Variants in ATXN1 observed in about 807,000 individuals in gnomAD.
ATXN1 encodes ataxin 1, also known as ataxin-1.
ATXN1 carries 8 observed loss-of-function variants against 56.4 expected under a neutral mutation model. That is an observed-to-expected ratio of 0.14 (90% CI 0.08 to 0.26). The LOEUF (loss-of-function observed/expected upper bound fraction) is 0.26. Among genes scored for constraint, ATXN1 ranks in the 10% least tolerant of loss-of-function variants. The pLI, the probability that ATXN1 is intolerant of heterozygous loss-of-function variation, is 1.00. For missense variants in ATXN1, 987 were observed against 1,106.5 expected (o/e 0.89, Z 1.53); for synonymous variants, 514 against 494.6 (o/e 1.04, Z -0.52).
At chr6:16,397,557 T>C (rs980499703) in intron 6 of ATXN1, among the ~76,000 whole-genome samples, 6 of 152,206 alleles carry the variant, frequency 3.9e-5, no homozygotes, top group Non-Finnish European at 8.8e-5. Context: ...CAGTAGTAGC[T>C]AAACTTTTAT....
chr6:16,716,318 A>C (rs1759640582), intron 2 of ATXN1, among the ~76,000 whole-genome samples: 1 of 152,230 alleles, frequency 6.6e-6, no homozygotes. Flanking sequence ...TGCCTGGGGA[A>C]GTCAGTTTGG....
chr6:16,745,541 T>A (rs1760502849), intron 2 of ATXN1, among the ~76,000 whole-genome samples: 1 of 152,242 alleles, frequency 6.6e-6, no homozygotes, highest in South Asian at 2.1e-4. Context: ...ATTTATGGAC[T>A]GGAATGGTGG....
At chr6:16,741,493 G>T (rs753841222) in intron 2 of ATXN1, among the ~76,000 whole-genome samples, 1 of 152,186 alleles carries the variant, frequency 6.6e-6, no homozygotes, top group Non-Finnish European at 1.5e-5. Flanking sequence ...TTTAAAGGAA[G>T]TCTCATTTCT....
At chr6:16,627,101 G>A (rs1393935429) in intron 3 of ATXN1, among the ~76,000 whole-genome samples, 1 of 152,198 alleles carries the variant, frequency 6.6e-6, no homozygotes, top group African/African-American at 2.4e-5. Flanking sequence ...AAGACAATGT[G>A]AACTGGCAGC....
intron 3 of ATXN1, among the ~76,000 whole-genome samples, chr6:16,641,217 T>A (rs1457053780): frequency 6.6e-6 from 1 of 152,148 alleles, no homozygotes; most frequent in South Asian, 2.1e-4. Context: ...TCCAGAAAAT[T>A]TAACTAAGAT....
At chr6:16,683,048 G>A (rs543351855) in intron 2 of ATXN1, among the ~76,000 whole-genome samples, 1 of 152,212 alleles carries the variant, frequency 6.6e-6, no homozygotes, top group South Asian at 2.1e-4. Flanking sequence ...ACCAACCAGG[G>A]AGTTGATGAG....
chr6:16,688,023 C>T (rs1758956418), intron 2 of ATXN1, among the ~76,000 whole-genome samples: 1 of 152,156 alleles, frequency 6.6e-6, no homozygotes, highest in African/African-American at 2.4e-5. Context: ...GGAGGGCCCT[C>T]CTGTGGGTTA....
intron 4 of ATXN1, among the ~76,000 whole-genome samples, chr6:16,543,632 T>TAAA (rs566914364): frequency 0.1 from 10,617 of 106,124 alleles, 1,031 homozygotes; most frequent in East Asian, 0.51. Context: ...GCTATTTTCC[T>TAAA]AAAAAAAAAA....
At chr6:16,639,147 G>A (rs1763656506) in intron 3 of ATXN1, among the ~76,000 whole-genome samples, 2 of 152,208 alleles carry the variant, frequency 1.3e-5, no homozygotes, top group Non-Finnish European at 2.9e-5. Context: ...GACATGGGCA[G>A]GGACAAATAA....
rs191700868 is a variant in ATXN1 at position 16,347,171 on chromosome 6, C to T, written c.-160-18701G>A. Among the ~76,000 whole-genome samples the T allele has an allele frequency of 1.1e-3, 174 of 152,338 alleles. 1 individual carries two copies. Among genetic ancestry groups the T allele is most frequent in the African/African-American group, 4.1e-3 (169 of 41,586 alleles). ...GCCAGAGCCTCCCCGACGAGCGCCG[C>T]CCCCTGCTCCACAGCGCCCAGTCCC... On this transcript the variant is annotated intron_variant, in intron 6 of 7. Transcript: ENST00000436367.
intron 4 of ATXN1, among the ~76,000 whole-genome samples, chr6:16,565,918 C>T (rs924048143): frequency 1.5e-4 from 23 of 152,034 alleles, no homozygotes; most frequent in African/African-American, 5.6e-4. Flanking sequence ...GTAAAATAGC[C>T]CACTGGGTCC....
intron 6 of ATXN1, among the ~76,000 whole-genome samples, chr6:16,429,776 T>A (rs551186666): frequency 6.6e-6 from 1 of 152,144 alleles, no homozygotes; most frequent in East Asian, 1.9e-4. Flanking sequence ...GCCCATTCGA[T>A]CCACATAAAA....
intron 2 of ATXN1, among the ~76,000 whole-genome samples, chr6:16,705,578 A>G (rs1759390057): frequency 6.6e-6 from 1 of 152,006 alleles, no homozygotes; most frequent in Non-Finnish European, 1.5e-5. Flanking sequence ...TTCACTTCCA[A>G]TATCTAATTG....
intron 3 of ATXN1, among the ~76,000 whole-genome samples, chr6:16,620,504 CAGAG>C (rs979068986): frequency 6.6e-6 from 1 of 151,692 alleles, no homozygotes; most frequent in Non-Finnish European, 1.5e-5. Flanking sequence ...CACACACAGA[CAGAG>C]AGAGAGAGAT....
intron 2 of ATXN1, among the ~76,000 whole-genome samples, chr6:16,661,279 T>A (rs1208115677): frequency 6.6e-6 from 1 of 152,062 alleles, no homozygotes; most frequent in Non-Finnish European, 1.5e-5. Flanking sequence ...CAAATATACA[T>A]ATATAGCATT....
intron 2 of ATXN1, among the ~76,000 whole-genome samples, chr6:16,747,573 T>A (rs1399370772): frequency 1.3e-5 from 2 of 151,826 alleles, no homozygotes; most frequent in African/African-American, 4.8e-5. Context: ...AGGCTGAAGC[T>A]GCCAGGCTAG....
chr6:16,650,890 T>C (rs1763880939), intron 3 of ATXN1, among the ~76,000 whole-genome samples: 1 of 152,196 alleles, frequency 6.6e-6, no homozygotes, highest in South Asian at 2.1e-4. Context: ...CCTGAATCTA[T>C]TCTAGTTCGG....
chr6:16,387,683 C>T (rs981292699), intron 6 of ATXN1, among the ~76,000 whole-genome samples: 4 of 152,190 alleles, frequency 2.6e-5, no homozygotes, highest in Admixed American at 2.0e-4. Context: ...TTATGAAACA[C>T]TGCAACTTTA....
Position 16,760,463 on chromosome 6 carries a change from C to CGGCGGT in ATXN1, c.-730+829_-730+834dup, listed in dbSNP as rs887262698. The stretch of plus-strand genomic sequence containing the variant: ...TCAGGAAGCGGCCGCACCAACAGGG[C>CGGCGGT]GGCGGTGGCGGCGGCGGCCAGGGCC... On this transcript the variant is annotated intron_variant, in intron 1 of 7. Coordinates refer to ENST00000436367, the MANE Select transcript of ATXN1 (RefSeq NM_001128164.2). This position sits in a 1 kb window ranked among gnomAD's most constrained non-coding sequence, Gnocchi z 5.3. 6.6e-6 allele frequency among the ~76,000 whole-genome samples: 1 copy of CGGCGGT among 150,686 alleles called. No individual in the cohort carries two copies. Among genetic ancestry groups the CGGCGGT allele is most frequent in the African/African-American group, 2.4e-5 (1 of 41,194 alleles).
Sources: allele counts gnomAD v4.1 joint callset (sites outside exome capture counted in the v4.1 genomes callset), GRCh38; gene constraint gnomAD v4.1.1; non-coding constraint Gnocchi (gnomAD v3.1); transcripts MANE v1.5; gene names NCBI Gene and HGNC (gene_info 2026-07-23, HGNC 2026-07-21).